NXPH1: variants seen among roughly 807,000 people sequenced by gnomAD.
NXPH1 encodes neurexophilin 1, also known as neurexophilin-1.
In NXPH1, 5 loss-of-function variants were observed where a neutral mutation model predicts 23.7. The observed-to-expected ratio is 0.21, with a 90% CI of 0.11 to 0.44. The LOEUF is 0.44. Among genes scored for constraint, NXPH1 ranks in the 20% least tolerant of loss-of-function variants. The probability of loss-of-function intolerance (pLI) is 0.99; values close to 1 mark genes in which losing one functional copy is unlikely to be tolerated. For synonymous variants in NXPH1, 144 were observed against 122.2 expected, an observed-to-expected ratio of 1.18 and a Z score of -1.18; for missense variants, 324 against 321.6, an observed-to-expected ratio of 1.01 and a Z score of -0.06.
chr7:8,518,038 A>T (rs1187709342), intron 2 of NXPH1, among the ~76,000 whole-genome samples: 2 of 152,202 alleles, frequency 1.3e-5, no homozygotes, highest in African/African-American at 4.8e-5. Flanking sequence ...GCTGAATTTT[A>T]GTAGCTATAT....
intron 2 of NXPH1, among the ~76,000 whole-genome samples, chr7:8,742,462 A>G (rs1426632447): frequency 6.6e-6 from 1 of 152,166 alleles, no homozygotes; most frequent in Admixed American, 6.5e-5. Flanking sequence ...TTCTAACTAT[A>G]CTTAAGTTTA....
intron 2 of NXPH1, among the ~76,000 whole-genome samples, chr7:8,726,474 G>A (rs1365971566): frequency 1.6e-4 from 22 of 138,128 alleles, no homozygotes; most frequent in Non-Finnish European, 3.0e-4. Flanking sequence ...TCCCAATGCC[G>A]TCCCTCCCCC....
At chr7:8,475,682 C>G (rs925600943) in intron 2 of NXPH1, among the ~76,000 whole-genome samples, 30 of 152,038 alleles carry the variant, frequency 2.0e-4, no homozygotes, top group African/African-American at 7.2e-4. Context: ...TTTCCCCTTT[C>G]AGGATATTAA....
intron 2 of NXPH1, among the ~76,000 whole-genome samples, chr7:8,690,013 C>G (rs1470280301): frequency 6.6e-6 from 1 of 152,148 alleles, no homozygotes; most frequent in East Asian, 1.9e-4. Context: ...TATGAATTGC[C>G]TTTCCTTTTT....
At chr7:8,609,860 G>A (rs1349263550) in intron 2 of NXPH1, among the ~76,000 whole-genome samples, 1 of 152,082 alleles carries the variant, frequency 6.6e-6, no homozygotes, top group South Asian at 2.1e-4. Context: ...TTTAAGCCAG[G>A]TAGAGGGAAA....
chr7:8,435,841 AG>A lies in NXPH1; in HGVS notation c.54+75del. 1 of 1,403,746 alleles carries A rather than the reference AG, an allele frequency of 7.1e-7. No individual in the cohort carries two copies. The allele number at this position is 1,403,746 out of a possible 1,614,324, so 87.0% of individuals were successfully genotyped here. ...GGCAAGGAAACTGGGGACACGCGGG[AG>A]AAGGGTTACGCCGCCAGTTCAGTGA... On this transcript the variant is annotated intron_variant, in intron 2 of 2. Coordinates refer to ENST00000405863, the MANE Select transcript of NXPH1 (RefSeq NM_152745.3). The surrounding 1 kb of genome is among the most constrained non-coding windows in gnomAD (Gnocchi z 5.9).
chr7:8,662,183 T>TACACACAC (rs772400655), intron 2 of NXPH1, among the ~76,000 whole-genome samples: 2 of 55,786 alleles, frequency 3.6e-5, no homozygotes, highest in Admixed American at 5.2e-4. Flanking sequence ...TATATATATA[T>TACACACAC]ATATATACAC....
At chr7:8,552,113 CCA>C (rs1491120464) in intron 2 of NXPH1, among the ~76,000 whole-genome samples, 2 of 91,502 alleles carry the variant, frequency 2.2e-5, no homozygotes, top group African/African-American at 8.6e-5. Flanking sequence ...AGAAAAAAAA[CCA>C]AAAAAAAAAA....
intron 2 of NXPH1, among the ~76,000 whole-genome samples, chr7:8,443,739 T>C (rs1236981419): frequency 1.3e-5 from 2 of 152,220 alleles, no homozygotes; most frequent in Non-Finnish European, 2.9e-5. Flanking sequence ...AGCCTCATTA[T>C]TTTCCGTGGT....
chr7:8,659,608 C>A (rs10269895), intron 2 of NXPH1, among the ~76,000 whole-genome samples: 109,184 of 151,860 alleles, frequency 0.72, 39,804 homozygotes, highest in East Asian at 1. Flanking sequence ...GGGAGGGATA[C>A]CATTAGGAGA....
chr7:8,649,897 C>T (rs1820463411), intron 2 of NXPH1, among the ~76,000 whole-genome samples: 1 of 152,154 alleles, frequency 6.6e-6, no homozygotes, highest in African/African-American at 2.4e-5. Context: ...CTATTTTACT[C>T]TTCATTGCTT....
chr7:8,628,354 C>T (rs185092896), intron 2 of NXPH1, among the ~76,000 whole-genome samples: 127 of 143,632 alleles, frequency 8.8e-4, no homozygotes, highest in African/African-American at 2.9e-3. Flanking sequence ...AACATTAGAA[C>T]ATTTTATGCA....
chr7:8,629,606 G>T (rs1452384056), intron 2 of NXPH1, among the ~76,000 whole-genome samples: 2 of 152,112 alleles, frequency 1.3e-5, no homozygotes, highest in Admixed American at 1.3e-4. Flanking sequence ...TACTAAAATT[G>T]CTCTTTATAT....
intron 2 of NXPH1, among the ~76,000 whole-genome samples, chr7:8,740,226 C>A (rs2115226751): frequency 6.6e-6 from 1 of 152,196 alleles, no homozygotes; most frequent in Middle Eastern, 3.4e-3. Context: ...TATATTTATG[C>A]CTTATATTTG....
intron 2 of NXPH1, among the ~76,000 whole-genome samples, chr7:8,486,381 A>G (rs1179210982): frequency 1.3e-5 from 2 of 152,112 alleles, no homozygotes; most frequent in Non-Finnish European, 2.9e-5. Flanking sequence ...AGTCTGATTA[A>G]TTTTCTCCTC....
intron 2 of NXPH1, among the ~76,000 whole-genome samples, chr7:8,733,497 A>G (rs561073002): frequency 6.6e-6 from 1 of 152,308 alleles, no homozygotes; most frequent in East Asian, 1.9e-4. Flanking sequence ...ACTCCCACCA[A>G]CACTGTAAAA....
At chr7:8,629,747 T>C (rs1820083296) in intron 2 of NXPH1, among the ~76,000 whole-genome samples, 1 of 152,156 alleles carries the variant, frequency 6.6e-6, no homozygotes, top group African/African-American at 2.4e-5. Context: ...GGAAGTACCA[T>C]CTGCAGTATA....
At chr7:8,462,137 C>T (rs955885727) in intron 2 of NXPH1, among the ~76,000 whole-genome samples, 4 of 152,136 alleles carry the variant, frequency 2.6e-5, no homozygotes, top group African/African-American at 9.7e-5. Context: ...CAACCCCTGC[C>T]TCATGGGTTC....
intron 2 of NXPH1, among the ~76,000 whole-genome samples, chr7:8,728,225 A>G (rs994669377): frequency 1.3e-5 from 2 of 152,202 alleles, no homozygotes; most frequent in African/African-American, 4.8e-5. Context: ...TTATCAGCTT[A>G]AGGAGATTTT....
Sources: gnomAD v4.1 joint callset for allele counts (sites outside exome capture counted in the v4.1 genomes callset) on GRCh38, gnomAD v4.1.1 for gene constraint, Gnocchi (gnomAD v3.1) non-coding constraint, MANE v1.5 for transcripts, NCBI Gene and HGNC (gene_info 2026-07-23, HGNC 2026-07-21) for gene names.